EIF2AK2: variants seen among roughly 807,000 people sequenced by gnomAD.
The protein encoded by EIF2AK2 is eukaryotic translation initiation factor 2 alpha kinase 2.
In EIF2AK2, 40 loss-of-function variants were observed where a neutral mutation model predicts 70.5. The observed-to-expected ratio is 0.57, with a 90% CI of 0.44 to 0.74. The LOEUF is 0.74. Among genes scored for constraint, EIF2AK2 ranks in the 30% least tolerant of loss-of-function variants. The probability of loss-of-function intolerance (pLI) is 0.00; values close to 1 mark genes in which losing one functional copy is unlikely to be tolerated. For missense variants in EIF2AK2, 555 were observed against 644.3 expected (o/e 0.86, Z 1.50); for synonymous variants, 198 against 220.9 (o/e 0.90, Z 0.92).
At chr2:37,124,180 T>C (rs1056086871) in intron 11 of EIF2AK2, among the ~76,000 whole-genome samples, 4 of 152,058 alleles carry the variant, frequency 2.6e-5, no homozygotes, top group Admixed American at 2.6e-4. Context: ...GTTGCCCAGG[T>C]TGGTCTCGCA....
chr2:37,114,018 T>C (rs1312407955), intron 14 of EIF2AK2, among the ~76,000 whole-genome samples: 3 of 152,202 alleles, frequency 2.0e-5, no homozygotes, highest in Non-Finnish European at 4.4e-5. Flanking sequence ...AATGTCTAAG[T>C]GTATGAAGTT....
Position 37,147,821 on chromosome 2 carries a change from T to C in EIF2AK2, c.-15A>G, listed in dbSNP as rs771282075. The C allele has an allele frequency of 2.5e-6, 4 of 1,580,556 alleles. 1 individual carries two copies. The highest frequency in any genetic ancestry group is 2.2e-5 in the East Asian group (1 of 44,618). ...TCACCAGCCATTTCTTCTTCCCGTA[T>C]CCTACAATGGAAGAGACATTTGAAT... On this transcript the variant is annotated splice_region_variant and 5_prime_UTR_variant, in exon 3 of 17. Transcript: ENST00000233057.
rs1443987857 is a variant in EIF2AK2 at position 37,103,189 on chromosome 2, TC to T, written c.*4083del. 2 of 151,666 alleles carry T rather than the reference TC, an allele frequency of 1.3e-5. No individual in the cohort carries two copies. Among genetic ancestry groups the T allele is most frequent in the African/African-American group, 2.4e-5 (1 of 41,294 alleles). The allele number at this position is 151,666 out of a possible 1,614,324, so 9.4% of individuals were successfully genotyped here. A position where few individuals can be genotyped will look rare whatever the true frequency, so the allele number is the denominator to read the frequency against. ...TTTAATAAGAGTAGGAATATATATA[TC>T]TTTTTTTTTCTTTTTTTTTTTTGAG... On this transcript the variant is annotated 3_prime_UTR_variant, in exon 17 of 17. Transcript: ENST00000233057.
At position 37,139,773 on chromosome 2, in the gene EIF2AK2, G is replaced by C. The variant is rs775516341; in HGVS notation, c.390-16C>G. Reference sequence around the variant, plus strand: ...ATAATGAAATCTAGGAGAAATCATAGAAGGTACTTATCCAAACATGAAAAA... The same window carrying C: ...ATAATGAAATCTAGGAGAAATCATACAAGGTACTTATCCAAACATGAAAAA... On this transcript the variant is annotated splice_polypyrimidine_tract_variant and intron_variant, in intron 5 of 16. Coordinates refer to ENST00000233057, the MANE Select transcript of EIF2AK2 (RefSeq NM_001135651.3). 1.2e-6 allele frequency: 2 copies of C among 1,602,562 alleles called. No individual in the cohort carries two copies. Among genetic ancestry groups the C allele is most frequent in the Non-Finnish European group, 1.7e-6 (2 of 1,176,542 alleles).
intron 10 of EIF2AK2, among the ~76,000 whole-genome samples, chr2:37,131,401 C>T (rs1674934788): frequency 6.6e-6 from 1 of 152,192 alleles, no homozygotes; most frequent in South Asian, 2.1e-4. Flanking sequence ...TGTCCACAGC[C>T]TCTTTAATTA....
chr2:37,118,217 G>A (rs1573005450), intron 13 of EIF2AK2, among the ~76,000 whole-genome samples: 1 of 152,100 alleles, frequency 6.6e-6, no homozygotes, highest in Admixed American at 6.5e-5. Flanking sequence ...GGGAGGCTGA[G>A]GTGGGAGGAC....
intron 1 of EIF2AK2, among the ~76,000 whole-genome samples, chr2:37,156,464 C>T (rs1675932003): frequency 6.6e-6 from 1 of 152,104 alleles, no homozygotes; most frequent in Non-Finnish European, 1.5e-5. Flanking sequence ...AATTGGGAAA[C>T]TACTGCAACT....
chr2:37,142,365 T>C (rs1675364943), intron 4 of EIF2AK2, among the ~76,000 whole-genome samples: 1 of 152,078 alleles, frequency 6.6e-6, no homozygotes, highest in African/African-American at 2.4e-5. Context: ...ACTCCTAAGC[T>C]CAAGTTATCT....
chr2:37,141,229 G>T (rs1403441633), intron 5 of EIF2AK2, among the ~76,000 whole-genome samples: 5 of 152,166 alleles, frequency 3.3e-5, no homozygotes, highest in Non-Finnish European at 7.4e-5. Flanking sequence ...CCACCATCAT[G>T]TCCTCAATGA....
intron 10 of EIF2AK2, among the ~76,000 whole-genome samples, chr2:37,127,570 T>C (rs982342872): frequency 6.6e-6 from 1 of 152,042 alleles, no homozygotes; most frequent in Non-Finnish European, 1.5e-5. Context: ...TTTTCCATCT[T>C]TACCTTCTCA....
At chr2:37,147,881 TC>T in intron 2 of EIF2AK2, 59 bp from the exon 3 acceptor site, 1 of 1,246,968 alleles carries the variant, frequency 8.0e-7, no homozygotes, top group East Asian at 2.4e-5. Flanking sequence ...AATCTGAGTT[TC>T]CCAATGCAGT....
In EIF2AK2 at chr2:37,122,616, AT is replaced by A; in HGVS notation, c.956del (p.Asn319IlefsTer68). On this transcript the variant is annotated frameshift_variant, in exon 12 of 17. Transcript: ENST00000233057. LOFTEE classifies it high-confidence loss of function. ...VKALAKLDHV[N>X]IVHYNGCWDG... ...CCCAACAGCCATTGTAGTGAACAAT[AT>A]TTACATGATCAAGTTTTGCCAATGC... The A allele has an allele frequency of 6.2e-7, 1 of 1,614,212 alleles. No homozygotes were observed. The highest frequency in any genetic ancestry group is 8.5e-7 in the Non-Finnish European group (1 of 1,180,046).
intron 13 of EIF2AK2, among the ~76,000 whole-genome samples, chr2:37,115,532 T>A (rs1487284271): frequency 1.3e-5 from 2 of 152,070 alleles, no homozygotes; most frequent in Non-Finnish European, 2.9e-5. Context: ...TATCCTAATA[T>A]CCTAATAGTG....
intron 1 of EIF2AK2, among the ~76,000 whole-genome samples, chr2:37,150,002 G>A (rs1371958229): frequency 2.0e-5 from 3 of 152,140 alleles, no homozygotes; most frequent in Non-Finnish European, 4.4e-5. Flanking sequence ...AAACATAAAT[G>A]GATTTGTAGA....
At chr2:37,125,045 T>A (rs1021183450) in intron 11 of EIF2AK2, among the ~76,000 whole-genome samples, 1 of 151,676 alleles carries the variant, frequency 6.6e-6, no homozygotes, top group Admixed American at 6.6e-5. Context: ...GGAGTTTCGC[T>A]TTTGTTGCCC....
At chr2:37,135,628 C>CTTTCTTTTTT (rs1329064971) in intron 9 of EIF2AK2, 82 bp from the exon 10 acceptor site, 24 of 1,353,310 alleles carry the variant, frequency 1.8e-5, no homozygotes, top group Non-Finnish European at 2.3e-5. Context: ...TAACCTTTTT[C>CTTTCTTTTTT]TTTCTTTTTT....
chr2:37,101,900 G>C lies in EIF2AK2; in HGVS notation c.*5373C>G, dbSNP rs535454465. 2.6e-5 allele frequency: 4 copies of C among 152,252 alleles called. No individual in the cohort carries two copies. Among genetic ancestry groups the C allele is most frequent in the African/African-American group, 9.6e-5 (4 of 41,532 alleles). The allele number at this position is 152,252 out of a possible 1,614,324, so 9.4% of individuals were successfully genotyped here. On this transcript the variant is annotated 3_prime_UTR_variant, in exon 17 of 17. Coordinates refer to ENST00000233057, the MANE Select transcript of EIF2AK2 (RefSeq NM_001135651.3). ...TTTTGTTAAAAAGATTTATCTGCTA[G>C]AGATACATTTTAAAGTACTTACAAG...
intron 1 of EIF2AK2, among the ~76,000 whole-genome samples, chr2:37,153,419 C>A (rs1474950481): frequency 1.4e-5 from 2 of 146,416 alleles, no homozygotes; most frequent in East Asian, 4.3e-4. Context: ...CAGCTTACTG[C>A]AGCCTTGAAC....
chr2:37,119,724 T>C (rs934215988), intron 13 of EIF2AK2, among the ~76,000 whole-genome samples: 3 of 151,594 alleles, frequency 2.0e-5, no homozygotes, highest in Admixed American at 6.6e-5. Context: ...CCCGAGTAGC[T>C]GGGATTACAG....
Sources: allele counts gnomAD v4.1 joint callset (sites outside exome capture counted in the v4.1 genomes callset), GRCh38; gene constraint gnomAD v4.1.1; transcripts MANE v1.5; gene names NCBI Gene and HGNC (gene_info 2026-07-23, HGNC 2026-07-21).